The following MROH2B variants were observed in gnomAD, a reference collection of about 807,000 sequenced individuals.
The protein encoded by MROH2B is maestro heat-like repeat-containing protein family member 2B.
MROH2B carries 177 observed loss-of-function variants against 208.6 expected under a neutral mutation model. The observed-to-expected ratio is 0.85, with a 90% CI of 0.75 to 0.96. The LOEUF (loss-of-function observed/expected upper bound fraction) is 0.96, where lower values mean the gene tolerates loss of function less well. MROH2B is among the 40% of genes least tolerant of loss of function. The pLI, the probability that MROH2B is intolerant of heterozygous loss-of-function variation, is 0.00. For missense variants in MROH2B, 2,002 were observed against 1,878.7 expected (o/e 1.07, Z -1.21); for synonymous variants, 728 against 659.0 (o/e 1.10, Z -1.60).
In MROH2B at chr5:41,031,387, G is replaced by A. The variant is rs146193070; in HGVS notation, c.2441+1355C>T. On this transcript the variant is annotated intron_variant, in intron 24 of 41. Coordinates refer to ENST00000399564, the MANE Select transcript of MROH2B (RefSeq NM_173489.5). ...TCTAATCACCCCACGCCTTTGACAC[G>A]TGGAGATTACAGGTCTCTCCCTCAA... Among the ~76,000 whole-genome samples the A allele has an allele frequency of 1.8e-4, 28 of 152,226 alleles. No homozygotes were observed. The East Asian group carries it at 4.4e-3, about 24-fold the overall frequency.
chr5:41,029,756 C>A (rs1742501392), intron 24 of MROH2B, among the ~76,000 whole-genome samples: 1 of 151,886 alleles, frequency 6.6e-6, no homozygotes, highest in Non-Finnish European at 1.5e-5. Flanking sequence ...TAAAAATAGA[C>A]AAATGGACTA....
At chr5:41,070,685 G>T (rs1743960625) in intron 1 of MROH2B, 140 bp downstream of exon 1, 1 of 746,566 alleles carries the variant, frequency 1.3e-6, no homozygotes, top group Non-Finnish European at 2.2e-6. Flanking sequence ...TATGTATTTA[G>T]CATACCATTT....
intron 19 of MROH2B, among the ~76,000 whole-genome samples, chr5:41,041,757 C>G (rs1312711186): frequency 6.6e-6 from 1 of 151,490 alleles, no homozygotes; most frequent in Non-Finnish European, 1.5e-5. Context: ...TACATTCTCT[C>G]TAGATTAGTC....
rs750527535 is a variant in MROH2B at position 41,009,406 on chromosome 5, C to T, written c.3294G>A (p.Arg1098=). 9 of 1,613,024 alleles carry T rather than the reference C, an allele frequency of 5.6e-6. No individual in the cohort carries two copies. The East Asian group carries it at 6.7e-5, about 12-fold the overall frequency. The change falls in exon 32 of 42, where the codon AGG becomes AGA. Residue 1098 remains arginine (R), a splice_region_variant and synonymous_variant. Transcript: ENST00000399564. The part of the protein sequence containing the change: ...NLLQKPLPFD[R]DTKTLWKALA... ...GCGCCTTCCACAATGTCTTTGTGTC[C>T]CTAGGGTGGCAAAGCAGGAAATTGG...
chr5:41,005,314 A>G (rs2111807794), intron 35 of MROH2B: 1 of 545,358 alleles, frequency 1.8e-6, no homozygotes, highest in African/African-American at 1.9e-5. Context: ...TGCCTTCTGC[A>G]AACTAGAGGG....
chr5:41,064,805 C>A (rs575670036), intron 4 of MROH2B, among the ~76,000 whole-genome samples: 74 of 152,144 alleles, frequency 4.9e-4, no homozygotes, highest in Non-Finnish European at 9.7e-4. Context: ...CCACTTGTAC[C>A]TCTTGTTAAG....
chr5:41,065,353 C>G lies in MROH2B; in HGVS notation c.339G>C (p.Leu113=). The G allele has an allele frequency of 6.2e-7, 1 of 1,612,628 alleles. No individual in the cohort carries two copies. Among genetic ancestry groups the G allele is most frequent in the South Asian group, 1.1e-5 (1 of 90,762 alleles). The change falls in exon 4 of 42, where the codon CTG becomes CTC. Residue 113 remains leucine (L), a synonymous_variant. Transcript: ENST00000399564. ...TACCATAGCTGGTTGCCAATTCAGC[C>G]AGGGCAAGCACAACGAATTCATCTG... ...ELPDEFVVLA[L]AELATSYVSQ...
Position 41,005,425 on chromosome 5 carries a change from C to CCCCCCT in MROH2B, c.3864+105_3864+106insAGGGGG, listed in dbSNP as rs58129703. On this transcript the variant is annotated intron_variant, in intron 35 of 41. Transcript: ENST00000399564. ...TCTCCTCTATGAAACCCCCCCCCCC[C>CCCCCCT]TTGAAGTCTCTCTTCCCTGGTTCCA... 1,392 of 216,670 alleles carry CCCCCCT rather than the reference C, an allele frequency of 6.4e-3. 1 individual carries two copies. The highest frequency in any genetic ancestry group is 8.7e-3 in the Non-Finnish European group (942 of 107,710). 13.4% of individuals were successfully genotyped at this position (216,670 alleles called of 1,614,324 possible).
intron 3 of MROH2B, among the ~76,000 whole-genome samples, chr5:41,066,235 T>C (rs1278400142): frequency 6.6e-6 from 1 of 152,166 alleles, no homozygotes; most frequent in Non-Finnish European, 1.5e-5. Flanking sequence ...ATTTCTGATT[T>C]TGGTGATGGC....
At chr5:41,006,338 A>G (rs1741592483) in intron 34 of MROH2B, among the ~76,000 whole-genome samples, 1 of 152,166 alleles carries the variant, frequency 6.6e-6, no homozygotes, top group Non-Finnish European at 1.5e-5. Flanking sequence ...TAATAAAAAA[A>G]AAGGTGTTGG....
chr5:41,040,928 G>A (rs167814), intron 19 of MROH2B, among the ~76,000 whole-genome samples: 116,915 of 151,936 alleles, frequency 0.77, 45,717 homozygotes, highest in Non-Finnish European at 0.85. Flanking sequence ...GCCTCCCAAA[G>A]TGCTGGGATT....
Position 41,061,644 on chromosome 5 carries a change from G to A in MROH2B, c.541C>T (p.Arg181Ter), listed in dbSNP as rs200958096. The A allele has an allele frequency of 7.3e-5, 117 of 1,613,746 alleles. No individual in the cohort carries two copies. The highest frequency in any genetic ancestry group is 8.7e-5 in the Non-Finnish European group (103 of 1,179,794). The stretch of plus-strand genomic sequence containing the variant: ...AGCATGAAGATCTTGTCAGACAGTC[G>A]GTTGGCATCCAGTCTGGGGTAGGGA... ...DFPYPRLDAN[R>*]LSDKIFMLFW... The change falls in exon 6 of 42, where the codon CGA (arginine) becomes TGA (stop). Residue 181 changes from arginine (R) to a stop codon, truncating the protein, a stop_gained. Coordinates refer to ENST00000399564, the MANE Select transcript of MROH2B (RefSeq NM_173489.5). LOFTEE classifies it high-confidence loss of function.
chr5:41,070,746 G>T, intron 1 of MROH2B, 79 bp downstream of exon 1: 1 of 1,456,460 alleles, frequency 6.9e-7, no homozygotes, highest in South Asian at 1.2e-5. Flanking sequence ...GCCACTCCCA[G>T]CCCTCATATA....
At chr5:41,043,914 A>C (rs903223348) in intron 18 of MROH2B, among the ~76,000 whole-genome samples, 1 of 152,012 alleles carries the variant, frequency 6.6e-6, no homozygotes, top group South Asian at 2.1e-4. Context: ...GTATGAGAGA[A>C]CAAGAACAAC....
chr5:41,025,623 C>T (rs13162635), intron 24 of MROH2B, among the ~76,000 whole-genome samples: 45,630 of 152,006 alleles, frequency 0.3, 7,552 homozygotes, highest in Non-Finnish European at 0.37. Context: ...GGAGCCGGTA[C>T]CATTCCTTCT....
In MROH2B at chr5:41,049,399, G is replaced by T; in HGVS notation, c.1382C>A (p.Ala461Glu). 1 of 1,613,516 alleles carries T rather than the reference G, an allele frequency of 6.2e-7. No homozygotes were observed. The highest frequency in any genetic ancestry group is 8.5e-7 in the Non-Finnish European group (1 of 1,179,730). The change falls in exon 14 of 42, where the codon GCA (alanine) becomes GAA (glutamate). Residue 461 changes from alanine to glutamate, a missense_variant. Transcript: ENST00000399564. ...GGGCTCCAGAGCTTCTGTGTATTCT[G>T]CAGGTACCACAAAAGTCAGGATCCT... ...WPRILTFVVPAEYTEALEPLF... is the reference protein window; with the variant it reads ...WPRILTFVVPEEYTEALEPLF...
chr5:41,024,793 C>G (rs944035000), intron 24 of MROH2B, among the ~76,000 whole-genome samples: 1 of 152,196 alleles, frequency 6.6e-6, no homozygotes, highest in Non-Finnish European at 1.5e-5. Flanking sequence ...AAGTAAAGCT[C>G]TCCTCAGCAA....
At position 41,050,949 on chromosome 5, in the gene MROH2B, C is replaced by T. The variant is rs367639757; in HGVS notation, c.1344+28G>A. On this transcript the variant is annotated intron_variant, in intron 13 of 41. Coordinates refer to ENST00000399564, the MANE Select transcript of MROH2B (RefSeq NM_173489.5). ...GGCTTTAAGAAGGTGATCAAAGTAA[C>T]TGTAAGTGGTGACAAAAGACCACTT... is the stretch of plus-strand genomic sequence containing the variant. 10 of 1,425,706 alleles carry T rather than the reference C, an allele frequency of 7.0e-6. No individual in the cohort carries two copies. The Admixed American group carries it at 2.1e-4, about 30-fold the overall frequency. The allele number at this position is 1,425,706 out of a possible 1,614,324, so 88.3% of individuals were successfully genotyped here.
Position 41,045,829 on chromosome 5 carries a change from T to A in MROH2B, c.1753A>T (p.Ile585Phe). 1 of 1,613,106 alleles carries A rather than the reference T, an allele frequency of 6.2e-7. No individual in the cohort carries two copies. Among genetic ancestry groups the A allele is most frequent in the South Asian group, 1.1e-5 (1 of 90,978 alleles). The change falls in exon 18 of 42, where the codon ATC (isoleucine) becomes TTC (phenylalanine). Residue 585 changes from isoleucine to phenylalanine, a missense_variant. Physicochemically the swap from Ile to Phe is conservative, Grantham distance 21. Transcript: ENST00000399564. Reference protein sequence around the residue: ...LQLLKESLWKISDVAWTIQLT... With the variant: ...LQLLKESLWKFSDVAWTIQLT... ...TGAATGGTCCAGGCCACATCACTGA[T>A]CTTCCATAAGGATTCTTTGAGCAAC... is the stretch of plus-strand genomic sequence containing the variant.
Sources: gnomAD v4.1 joint callset for allele counts (sites outside exome capture counted in the v4.1 genomes callset) on GRCh38, gnomAD v4.1.1 for gene constraint, MANE v1.5 for transcripts, NCBI Gene and HGNC (gene_info 2026-07-23, HGNC 2026-07-21) for gene names.